PLXNB1: variants seen among roughly 807,000 people sequenced by gnomAD.
PLXNB1 encodes the protein plexin B1.
In PLXNB1, 106 loss-of-function variants were observed where a neutral mutation model predicts 209.4. The ratio of observed to expected loss-of-function variants is 0.51; its 90% confidence interval spans 0.43 to 0.59. The LOEUF (loss-of-function observed/expected upper bound fraction) is 0.59, where lower values mean the gene tolerates loss of function less well. Among genes scored for constraint, PLXNB1 ranks in the 20% least tolerant of loss-of-function variants. PLXNB1 has a pLI of 0.00. For synonymous variants in PLXNB1, 1,167 were observed against 1,183.2 expected (o/e 0.99, Z 0.28); for missense variants, 2,357 against 2,853.2 (o/e 0.83, Z 3.96).
In PLXNB1 at chr3:48,419,843, G is replaced by T. The variant is rs373992924; in HGVS notation, c.2443C>A (p.Pro815Thr). 6.3e-7 allele frequency: 1 copy of T among 1,575,864 alleles called. No homozygotes were observed. The highest frequency in any genetic ancestry group is 8.6e-7 in the Non-Finnish European group (1 of 1,159,368). The change falls in exon 11 of 38, where the codon CCC (proline) becomes ACC (threonine). Residue 815 changes from proline (P) to threonine (T), a missense_variant. Around this residue, in one of 7 missense-constraint regions of PLXNB1, gnomAD observed 410 missense variants for 401.0 expected, o/e 1.02. Transcript: ENST00000296440. This position sits in a 1 kb window ranked among gnomAD's most constrained non-coding sequence, Gnocchi z 5.7. Reference protein sequence around the residue: ...PGPEALHPTVPLDLPPATVPA... With the variant: ...PGPEALHPTVTLDLPPATVPA... ...ACAGTGGCAGGGGGCAGGTCCAGGGGCACTGTGGGATGAAGAGCCTCGGGG... is the reference window on the plus strand; with the variant it reads ...ACAGTGGCAGGGGGCAGGTCCAGGGTCACTGTGGGATGAAGAGCCTCGGGG...
At position 48,407,048 on chromosome 3, in the gene PLXNB1, C is replaced by T. The variant is rs762638688; in HGVS notation, c.6131G>A (p.Arg2044Gln). 5.0e-6 allele frequency: 8 copies of T among 1,614,094 alleles called. No homozygotes were observed. The highest frequency in any genetic ancestry group is 4.5e-5 in the East Asian group (2 of 44,870). ...NKLLYARDIP[R>Q]YKRMVERYYA... ...GTACCTTTCCACCATCCGCTTGTAC[C>T]GGGGAATGTCCCGTGCATACAGAAG... Residue 2044 changes from arginine (R) to glutamine (Q), a missense_variant, in exon 35 of 38, where the codon CGG becomes CAG. Around this residue, in one of 7 missense-constraint regions of PLXNB1, gnomAD observed 414 missense variants for 520.5 expected, o/e 0.80. Transcript: ENST00000296440.
In PLXNB1 at chr3:48,416,566, A is replaced by G. The variant is rs772160622; in HGVS notation, c.3375-115T>C. 17 of 624,864 alleles carry G rather than the reference A, an allele frequency of 2.7e-5. No homozygotes were observed. The highest frequency in any genetic ancestry group is 8.5e-5 in the East Asian group (3 of 35,166). The allele number at this position is 624,864 out of a possible 1,614,324, so 38.7% of individuals were successfully genotyped here. On this transcript the variant is annotated intron_variant, in intron 16 of 37. Coordinates refer to ENST00000296440, the MANE Select transcript of PLXNB1 (RefSeq NM_001130082.3). This position sits in a 1 kb window ranked among gnomAD's most constrained non-coding sequence, Gnocchi z 4.1. ...GGTGGTCTTCCCCTTCCCATGCTCC[A>G]TAAGATTGACAGAGACCCTCTCTCA...
In PLXNB1 at chr3:48,418,292, A is replaced by G; in HGVS notation, c.3121T>C (p.Cys1041Arg). ...RCQTAMPQYG[C>R]VWCEGERPRC... is the part of the protein sequence containing the mutation. ...GGACGCTCCCCCTCACACCACACAC[A>G]GCCATACTGGGGCATGGCAGTTTGG... Residue 1041 changes from cysteine to arginine, a missense_variant, in exon 15 of 38, where the codon TGT becomes CGT. Transcript: ENST00000296440. This position sits in a 1 kb window ranked among gnomAD's most constrained non-coding sequence, Gnocchi z 6.6. The G allele has an allele frequency of 6.2e-7, 1 of 1,613,712 alleles. No homozygotes were observed. The highest frequency in any genetic ancestry group is 8.5e-7 in the Non-Finnish European group (1 of 1,180,010).
chr3:48,418,222 G>T lies in PLXNB1; in HGVS notation c.3191C>A (p.Ala1064Asp). The change falls in exon 15 of 38, where the codon GCC (alanine) becomes GAC (aspartate). Residue 1064 changes from alanine to aspartate, a missense_variant. Transcript: ENST00000296440. This position sits in a 1 kb window ranked among gnomAD's most constrained non-coding sequence, Gnocchi z 6.6. ...GATGAGGGGCGCTGGGCACTGGGTG[G>T]CCACAGCCTCAGCCTCACCACAGGC... Reference protein sequence around the residue: ...REACGEAEAVATQCPAPLIHS... With the variant: ...REACGEAEAVDTQCPAPLIHS... 6.2e-7 allele frequency: 1 copy of T among 1,612,130 alleles called. No homozygotes were observed. Among genetic ancestry groups the T allele is most frequent in the Non-Finnish European group, 8.5e-7 (1 of 1,179,420 alleles).
At chr3:48,426,783 G>T (rs918787161) in intron 1 of PLXNB1, among the ~76,000 whole-genome samples, 2 of 152,302 alleles carry the variant, frequency 1.3e-5, no homozygotes, top group Admixed American at 1.3e-4. Context: ...CCAAGGGGGC[G>T]GGGGGAAGGG....
Position 48,415,125 on chromosome 3 carries a change from G to C in PLXNB1, c.3966+51C>G. 6.2e-7 allele frequency: 1 copy of C among 1,606,324 alleles called. No individual in the cohort carries two copies. The highest frequency in any genetic ancestry group is 1.7e-5 in the Admixed American group (1 of 59,878). On this transcript the variant is annotated intron_variant, in intron 20 of 37. Coordinates refer to ENST00000296440, the MANE Select transcript of PLXNB1 (RefSeq NM_001130082.3). This position sits in a 1 kb window ranked among gnomAD's most constrained non-coding sequence, Gnocchi z 5.0. ...TGGCACCTGCTCTGGCTGTCCCCAG[G>C]GTGTGGTATGGGGCAAGGGGAGAGT...
In PLXNB1 at chr3:48,406,888, C is replaced by T; in HGVS notation, c.6163G>A (p.Asp2055Asn). The T allele has an allele frequency of 6.2e-7, 1 of 1,613,264 alleles. No homozygotes were observed. The highest frequency in any genetic ancestry group is 2.2e-5 in the East Asian group (1 of 44,842). The change falls in exon 36 of 38, where the codon GAC becomes AAC. Residue 2055 changes from aspartate to asparagine, a missense_variant. Asp to Asn is a conservative substitution (Grantham distance 23, BLOSUM62 1). Around this residue, in one of 7 missense-constraint regions of PLXNB1, gnomAD observed 414 missense variants for 520.5 expected, o/e 0.80. Transcript: ENST00000296440. This position sits in a 1 kb window ranked among gnomAD's most constrained non-coding sequence, Gnocchi z 4.4. ...YKRMVERYYA[D>N]IRQTVPASDQ... ...CTGGCTGGGACAGTCTGTCTGATGTCTGCATAGTACCTGCCAGAGAGCCAG... is the reference window on the plus strand; with the variant it reads ...CTGGCTGGGACAGTCTGTCTGATGTTTGCATAGTACCTGCCAGAGAGCCAG...
rs1450769189 is a variant in PLXNB1, at chr3:48,424,208, T to G, written c.404A>C (p.Glu135Ala). The change falls in exon 3 of 38, where the codon GAG (glutamate) becomes GCG (alanine). Residue 135 changes from glutamate (E) to alanine (A), a missense_variant. This residue lies in a region of PLXNB1 where 404 missense variants were observed against 443.6 expected (regional missense o/e 0.91). Coordinates refer to ENST00000296440, the MANE Select transcript of PLXNB1 (RefSeq NM_001130082.3). ...CACATATTGTGTGTCCCCAGGCCGCTCTGGCCGCAGCAGCAGCTGCTCGAG... is the reference window on the plus strand; with the variant it reads ...CACATATTGTGTGTCCCCAGGCCGCGCTGGCCGCAGCAGCAGCTGCTCGAG... ...GQLEQLLLRPERPGDTQYVAA... is the reference protein window; with the variant it reads ...GQLEQLLLRPARPGDTQYVAA... The G allele has an allele frequency of 1.3e-6, 2 of 1,598,560 alleles. No individual in the cohort carries two copies. Among genetic ancestry groups the G allele is most frequent in the Admixed American group, 1.7e-5 (1 of 59,010 alleles).
chr3:48,415,120 C>T lies in PLXNB1; in HGVS notation c.3966+56G>A. On this transcript the variant is annotated intron_variant, in intron 20 of 37. Transcript: ENST00000296440. This position sits in a 1 kb window ranked among gnomAD's most constrained non-coding sequence, Gnocchi z 5.0. ...TCCTCTGGCACCTGCTCTGGCTGTC[C>T]CCAGGGTGTGGTATGGGGCAAGGGG... 2.5e-6 allele frequency: 4 copies of T among 1,606,410 alleles called. No homozygotes were observed. Among genetic ancestry groups the T allele is most frequent in the Non-Finnish European group, 3.4e-6 (4 of 1,174,534 alleles).
At position 48,421,192 on chromosome 3, in the gene PLXNB1, C is replaced by G. The variant is rs903443101; in HGVS notation, c.1810+36G>C. 3.1e-6 allele frequency: 5 copies of G among 1,603,084 alleles called. No individual in the cohort carries two copies. The African/African-American group carries it at 6.7e-5, about 22-fold the overall frequency. On this transcript the variant is annotated intron_variant, in intron 8 of 37. Transcript: ENST00000296440. ...CCCACCGCATCCCCTGAAGCAGGGG[C>G]TGGCCCCCACCAGGCTGGCCCATTC...
At position 48,419,619 on chromosome 3, in the gene PLXNB1, G is replaced by C. The variant is rs1390358430; in HGVS notation, c.2667C>G (p.Ser889=). The change falls in exon 11 of 38, where the codon TCC becomes TCG. Residue 889 remains serine, a synonymous_variant. Transcript: ENST00000296440. The surrounding 1 kb of genome is among the most constrained non-coding windows in gnomAD (Gnocchi z 5.7). ...GGGTGTCATACTGGTAGTCGAGGCT[G>C]GACGGGAGGATGAGGGGGGCGGGAG... ...EGPPAPLILP[S]SLDYQYDTPG... The C allele has an allele frequency of 6.2e-7, 1 of 1,612,548 alleles. No individual in the cohort carries two copies. Among genetic ancestry groups the C allele is most frequent in the African/African-American group, 1.3e-5 (1 of 75,050 alleles).
At position 48,415,814 on chromosome 3, in the gene PLXNB1, A is replaced by G. The variant is rs2038053049; in HGVS notation, c.3618-55T>C. The G allele has an allele frequency of 6.7e-7, 1 of 1,491,082 alleles. No homozygotes were observed. The highest frequency in any genetic ancestry group is 9.0e-7 in the Non-Finnish European group (1 of 1,105,870). 92.4% of individuals were successfully genotyped at this position (1,491,082 alleles called of 1,614,324 possible). A position where few individuals can be genotyped will look rare whatever the true frequency, so the allele number is the denominator to read the frequency against. ...GGCGCAGGCAGGGAAAACTTGGACC[A>G]CTCAGGCCCCAACTGGCTTCCCTCA... On this transcript the variant is annotated intron_variant, in intron 18 of 37. Transcript: ENST00000296440. This position sits in a 1 kb window ranked among gnomAD's most constrained non-coding sequence, Gnocchi z 5.0.
Position 48,409,434 on chromosome 3 carries a change from C to G in PLXNB1, c.5982G>C (p.Gln1994His). ...CAGATGTTTGCACGTCGAACACAAACTGCGGGTTTTTTATTATATTGATCC... is the reference window on the plus strand; with the variant it reads ...CAGATGTTTGCACGTCGAACACAAAGTGCGGGTTTTTTATTATATTGATCC... ...RFWINIIKNP[Q>H]FVFDVQTSDN... Residue 1994 changes from glutamine to histidine, a missense_variant, in exon 34 of 38, where the codon CAG (glutamine) becomes CAC (histidine). By Grantham distance (24) the Gln-to-His change is conservative. Coordinates refer to ENST00000296440, the MANE Select transcript of PLXNB1 (RefSeq NM_001130082.3). The surrounding 1 kb of genome is among the most constrained non-coding windows in gnomAD (Gnocchi z 5.8). The G allele has an allele frequency of 6.2e-7, 1 of 1,614,224 alleles. No homozygotes were observed. The highest frequency in any genetic ancestry group is 8.5e-7 in the Non-Finnish European group (1 of 1,180,044).
chr3:48,404,289 C>G lies in PLXNB1; in HGVS notation c.*197G>C, dbSNP rs2037180170. 1.7e-6 allele frequency: 1 copy of G among 578,006 alleles called. No individual in the cohort carries two copies. The highest frequency in any genetic ancestry group is 3.2e-5 in the Admixed American group (1 of 31,360). The allele number at this position is 578,006 out of a possible 1,614,324, so 35.8% of individuals were successfully genotyped here. A position where few individuals can be genotyped will look rare whatever the true frequency, so the allele number is the denominator to read the frequency against. On this transcript the variant is annotated 3_prime_UTR_variant, in exon 38 of 38. Transcript: ENST00000296440. ...ACTCGGGGAGCAGGCTGGGTACTACCCCATGAGCCTTGAGGCCCCGGGTCT... is the reference window on the plus strand; with the variant it reads ...ACTCGGGGAGCAGGCTGGGTACTACGCCATGAGCCTTGAGGCCCCGGGTCT...
rs534377697 is a variant in PLXNB1, at chr3:48,418,830, A to G, written c.2955+87T>C. The G allele has an allele frequency of 2.6e-5, 40 of 1,537,880 alleles. No individual in the cohort carries two copies. In the African/African-American group the frequency reaches 5.0e-4, roughly 19 times the overall value. On this transcript the variant is annotated intron_variant, in intron 13 of 37. Coordinates refer to ENST00000296440, the MANE Select transcript of PLXNB1 (RefSeq NM_001130082.3). This position sits in a 1 kb window ranked among gnomAD's most constrained non-coding sequence, Gnocchi z 6.6. ...CGACACGGTCAGAGCGTGGCTCTGG[A>G]AAGTGTGGTGCAGCCAGCTACAGTT...
In PLXNB1 at chr3:48,415,911, G is replaced by A; in HGVS notation, c.3617+120C>T. 1 of 1,375,872 alleles carries A rather than the reference G, an allele frequency of 7.3e-7. No homozygotes were observed. The highest frequency in any genetic ancestry group is 9.9e-7 in the Non-Finnish European group (1 of 1,012,686). The allele number at this position is 1,375,872 out of a possible 1,614,324, so 85.2% of individuals were successfully genotyped here. On this transcript the variant is annotated intron_variant, in intron 18 of 37. Transcript: ENST00000296440. The surrounding 1 kb of genome is among the most constrained non-coding windows in gnomAD (Gnocchi z 5.0). ...ACCACAGCTGGCTAGGGAGGGTCTG[G>A]CCACTCTCTGAAGGAGCAGACTGGC...
At chr3:48,421,088 G>T in intron 8 of PLXNB1, 132 bp from the exon 9 acceptor site, 1 of 1,264,668 alleles carries the variant, frequency 7.9e-7, no homozygotes, top group Non-Finnish European at 1.1e-6. Flanking sequence ...ACAGAATGGA[G>T]GCTTCAGGTG....
chr3:48,406,942 C>T lies in PLXNB1; in HGVS notation c.6153-44G>A, dbSNP rs780882079. 2.5e-6 allele frequency: 4 copies of T among 1,608,164 alleles called. No individual in the cohort carries two copies. The highest frequency in any genetic ancestry group is 3.4e-6 in the Non-Finnish European group (4 of 1,175,170). The stretch of plus-strand genomic sequence containing the variant: ...ACAGCAGCTGCTGGGTAAACAAGCC[C>T]ACTCCCCTGCTCCCAACCAGAGCCC... On this transcript the variant is annotated intron_variant, in intron 35 of 37. Transcript: ENST00000296440. This position sits in a 1 kb window ranked among gnomAD's most constrained non-coding sequence, Gnocchi z 4.4.
rs539132558 is a variant in PLXNB1 at position 48,407,145 on chromosome 3, T to C, written c.6088-54A>G. 3.7e-5 allele frequency: 55 copies of C among 1,505,600 alleles called. 1 individual carries two copies. The South Asian group carries it at 5.0e-4, about 14-fold the overall frequency. The allele number at this position is 1,505,600 out of a possible 1,614,324, so 93.3% of individuals were successfully genotyped here. On this transcript the variant is annotated intron_variant, in intron 34 of 37. Coordinates refer to ENST00000296440, the MANE Select transcript of PLXNB1 (RefSeq NM_001130082.3). ...GGAAGGAAGGAAGGATGAGGGTCCCTGTTCGAGTGATCAAGTGTCCTGGGT... is the reference window on the plus strand; with the variant it reads ...GGAAGGAAGGAAGGATGAGGGTCCCCGTTCGAGTGATCAAGTGTCCTGGGT...
Sources: gnomAD v4.1 joint callset for allele counts (sites outside exome capture counted in the v4.1 genomes callset) on GRCh38, gnomAD v4.1.1 for gene constraint, gnomAD v4.1.1 regional missense constraint, Gnocchi (gnomAD v3.1) non-coding constraint, MANE v1.5 for transcripts, NCBI Gene and HGNC (gene_info 2026-07-23, HGNC 2026-07-21) for gene names.